PCDH7: variants seen among roughly 807,000 people sequenced by gnomAD.
The protein encoded by PCDH7 is protocadherin-7.
In PCDH7, 17 loss-of-function variants were observed where a neutral mutation model predicts 58.9. That is an observed-to-expected ratio of 0.29 (90% CI 0.20 to 0.43). The LOEUF is 0.43. PCDH7 is among the 20% of genes least tolerant of loss of function. The probability of loss-of-function intolerance (pLI) is 1.00; values close to 1 mark genes in which losing one functional copy is unlikely to be tolerated. For missense variants in PCDH7, 1,274 were observed against 1,441.0 expected (o/e 0.88, Z 1.88); for synonymous variants, 664 against 616.4 (o/e 1.08, Z -1.14).
At chr4:31,051,464 A>T (rs1282870737) in intron 3 of PCDH7, among the ~76,000 whole-genome samples, 1 of 152,192 alleles carries the variant, frequency 6.6e-6, no homozygotes, top group African/African-American at 2.4e-5. Context: ...CAGATAAGTA[A>T]TCTAGCTTCC....
exon 4 of PCDH7, chr4:31,142,691 C>T: frequency 7.3e-7 from 1 of 1,367,694 alleles, no homozygotes; most frequent in Non-Finnish European, 9.8e-7. Flanking sequence ...CAACAGAAAC[C>T]TCCTGAACAA....
At chr4:31,117,133 C>T (rs1259591801) in intron 3 of PCDH7, among the ~76,000 whole-genome samples, 3 of 152,132 alleles carry the variant, frequency 2.0e-5, no homozygotes, top group African/African-American at 4.8e-5. Context: ...CCACCTGCCC[C>T]GACCTTCCAA....
chr4:30,932,169 A>G (rs1189755104), intron 2 of PCDH7, among the ~76,000 whole-genome samples: 1 of 152,200 alleles, frequency 6.6e-6, no homozygotes, highest in East Asian at 1.9e-4. Flanking sequence ...GCTTCAAAAC[A>G]TAAATCACGG....
At chr4:30,780,841 CTCATGACGGAGCTG>C (rs1409613142) in intron 1 of PCDH7, among the ~76,000 whole-genome samples, 6 of 152,208 alleles carry the variant, frequency 3.9e-5, no homozygotes, top group Non-Finnish European at 8.8e-5. Context: ...GGAAAAACAG[CTCATGACGGAGCTG>C]AGTGGAATTA....
intron 3 of PCDH7, among the ~76,000 whole-genome samples, chr4:30,975,143 T>TTGTG (rs35675648): frequency 0.042 from 5,864 of 138,710 alleles, 161 homozygotes; most frequent in East Asian, 0.079. Flanking sequence ...TTCCCTTTCA[T>TTGTG]TGTGTGTGTG....
At chr4:30,741,365 A>G (rs1386975046) in intron 1 of PCDH7, among the ~76,000 whole-genome samples, 1 of 151,984 alleles carries the variant, frequency 6.6e-6, no homozygotes, top group Non-Finnish European at 1.5e-5. Context: ...TAGTTAAAAA[A>G]AAAAAAATTA....
At chr4:31,036,280 G>A (rs1046528750) in intron 3 of PCDH7, among the ~76,000 whole-genome samples, 1 of 152,116 alleles carries the variant, frequency 6.6e-6, no homozygotes, top group Non-Finnish European at 1.5e-5. Flanking sequence ...CTGCTTCCTA[G>A]GTTCAAGCTA....
chr4:31,040,167 G>A (rs951343455), intron 3 of PCDH7, among the ~76,000 whole-genome samples: 1 of 152,128 alleles, frequency 6.6e-6, no homozygotes, highest in Non-Finnish European at 1.5e-5. Context: ...TGACAACTCT[G>A]TATACCCACG....
At chr4:31,004,489 C>A (rs1189216399) in intron 3 of PCDH7, among the ~76,000 whole-genome samples, 1 of 152,110 alleles carries the variant, frequency 6.6e-6, no homozygotes, top group Non-Finnish European at 1.5e-5. Flanking sequence ...GCTGGCAGAT[C>A]ACTTAAGGTC....
intron 1 of PCDH7, among the ~76,000 whole-genome samples, chr4:30,888,206 T>C (rs1738107809): frequency 6.6e-6 from 1 of 152,142 alleles, no homozygotes; most frequent in Non-Finnish European, 1.5e-5. Context: ...ATTTGTGTAA[T>C]GGATCGATCA....
Position 31,099,788 on chromosome 4 carries a change from A to T in PCDH7, c.*8-42685A>T, listed in dbSNP as rs1188274754. ...GAGCTCTTTCCTCAAACCAGATGAC[A>T]ACCCGAAATATACATACATATATAT... is the stretch of plus-strand genomic sequence containing the variant. On this transcript the variant is annotated intron_variant, in intron 3 of 3. Coordinates refer to the PCDH7 transcript ENST00000509759. Among the ~76,000 whole-genome samples the T allele has an allele frequency of 2.0e-5, 3 of 152,256 alleles. No homozygotes were observed. In the East Asian group the frequency reaches 5.8e-4, roughly 29 times the overall value.
At chr4:30,731,955 C>A (rs543680387) in exon 2 of PCDH7, 4 of 151,984 alleles carry the variant, frequency 2.6e-5, no homozygotes, top group South Asian at 4.1e-4. Flanking sequence ...TAAAATTTTC[C>A]ACAAATTTGG....
intron 3 of PCDH7, among the ~76,000 whole-genome samples, chr4:30,956,241 A>G (rs1457894976): frequency 6.6e-6 from 1 of 151,848 alleles, no homozygotes; most frequent in East Asian, 1.9e-4. Flanking sequence ...AAAAAAAAAA[A>G]GTGAATTCCA....
chr4:30,907,040 A>G (rs1741035504), intron 1 of PCDH7, among the ~76,000 whole-genome samples: 1 of 152,048 alleles, frequency 6.6e-6, no homozygotes, highest in Non-Finnish European at 1.5e-5. Flanking sequence ...AAATAAAATA[A>G]AGCAGATTAT....
At chr4:31,146,756 T>C (rs1292202617), downstream of PCDH7, 1 of 152,192 alleles carries the variant, frequency 6.6e-6, no homozygotes, top group African/African-American at 2.4e-5. Context: ...AAATTGCTTG[T>C]CATTTTTGTC....
chr4:31,080,505 C>T (rs999237425), intron 3 of PCDH7, among the ~76,000 whole-genome samples: 1 of 152,028 alleles, frequency 6.6e-6, no homozygotes, highest in Non-Finnish European at 1.5e-5. Flanking sequence ...AAACCTCTAA[C>T]ATTTAATCAT....
chr4:31,120,441 C>CTTTTTTTTTTTTT (rs138878762), intron 3 of PCDH7, among the ~76,000 whole-genome samples: 5 of 107,986 alleles, frequency 4.6e-5, no homozygotes, highest in Non-Finnish European at 5.7e-5. Flanking sequence ...CTATTTTTTT[C>CTTTTTTTTTTTTT]TTTTTTTTTT....
intron 1 of PCDH7, among the ~76,000 whole-genome samples, chr4:30,807,479 C>G (rs946221606): frequency 6.6e-6 from 1 of 152,132 alleles, no homozygotes. Flanking sequence ...TTTACGGTGA[C>G]AGCAGTACGG....
In PCDH7 at chr4:30,969,674, C is replaced by A; in HGVS notation, c.*7+19459C>A. ...TAAGAGAGGATGAGAGAGAGAGAGACAGAGAGAGAAAGAGAATGCACGCAT... is the reference window on the plus strand; with the variant it reads ...TAAGAGAGGATGAGAGAGAGAGAGAAAGAGAGAGAAAGAGAATGCACGCAT... On this transcript the variant is annotated intron_variant, in intron 3 of 3. Transcript: ENST00000509759. Among the ~76,000 whole-genome samples the A allele has an allele frequency of 2.0e-5, 3 of 152,000 alleles. No individual in the cohort carries two copies. In the South Asian group the frequency reaches 6.2e-4, roughly 32 times the overall value.
Sources: gnomAD v4.1 joint callset for allele counts (sites outside exome capture counted in the v4.1 genomes callset) on GRCh38, gnomAD v4.1.1 for gene constraint, MANE v1.5 for transcripts, NCBI Gene and HGNC (gene_info 2026-07-23, HGNC 2026-07-21) for gene names.